ADK: variants seen among roughly 807,000 people sequenced by gnomAD.
ADK encodes adenosine kinase.
A neutral mutation model predicts 44.7 loss-of-function variants in ADK; 24 were observed. The ratio of observed to expected loss-of-function variants is 0.54; its 90% CI spans 0.39 to 0.76. ADK has a LOEUF of 0.76. ADK is among the 30% of genes least tolerant of loss of function. The pLI, the probability that ADK is intolerant of heterozygous loss-of-function variation, is 0.00. For missense variants in ADK, 321 were observed against 425.1 expected (o/e 0.76, Z 2.15); for synonymous variants, 128 against 142.6 (o/e 0.90, Z 0.73).
intron 7 of ADK, among the ~76,000 whole-genome samples, chr10:74,538,682 A>G (rs1265002284): frequency 1.3e-5 from 2 of 152,164 alleles, no homozygotes; most frequent in Admixed American, 6.5e-5. Flanking sequence ...TAAGTAAACT[A>G]TCATTATCTT....
At chr10:74,598,872 T>A (rs1852021500) in intron 8 of ADK, among the ~76,000 whole-genome samples, 1 of 152,224 alleles carries the variant, frequency 6.6e-6, no homozygotes, top group African/African-American at 2.4e-5. Flanking sequence ...TTCTCTTATC[T>A]TTATTAAATA....
rs557098930 is a variant in ADK, at chr10:74,186,538, A to T, written c.66-14226A>T. The stretch of plus-strand genomic sequence containing the variant: ...AGGGTGGTCTTGAACTCCTGAGCCC[A>T]AGTGATCCACCCACCTCGGCCTTCC... On this transcript the variant is annotated intron_variant, in intron 1 of 10. Coordinates refer to ENST00000539909, the MANE Select transcript of ADK (RefSeq NM_006721.4). 1.6e-4 allele frequency among the ~76,000 whole-genome samples: 24 copies of T among 151,846 alleles called. 1 individual carries two copies. In the East Asian group the frequency reaches 4.7e-3, roughly 30 times the overall value.
At chr10:74,541,224 A>G (rs1442390840) in intron 7 of ADK, among the ~76,000 whole-genome samples, 1 of 152,158 alleles carries the variant, frequency 6.6e-6, no homozygotes, top group Non-Finnish European at 1.5e-5. Context: ...CATGTTGGCC[A>G]TGCTGGTCTC....
chr10:74,461,690 A>C (rs2133244709), intron 6 of ADK, among the ~76,000 whole-genome samples: 2 of 152,218 alleles, frequency 1.3e-5, no homozygotes, highest in East Asian at 3.9e-4. Flanking sequence ...ATTTATCTTT[A>C]CAGGTACTAG....
chr10:74,280,990 A>G (rs1481481019), intron 3 of ADK, among the ~76,000 whole-genome samples: 1 of 152,250 alleles, frequency 6.6e-6, no homozygotes, highest in African/African-American at 2.4e-5. Context: ...ACACTGGTTT[A>G]TATACAGGTT....
intron 7 of ADK, among the ~76,000 whole-genome samples, chr10:74,568,228 TTTAA>T (rs1476730076): frequency 7.9e-5 from 12 of 152,210 alleles, no homozygotes; most frequent in African/African-American, 2.2e-4. Context: ...TTCTTTTTCT[TTTAA>T]TTGTGACCAA....
intron 9 of ADK, among the ~76,000 whole-genome samples, chr10:74,605,456 A>G (rs1190771108): frequency 6.6e-6 from 1 of 151,990 alleles, no homozygotes; most frequent in East Asian, 1.9e-4. Context: ...AGCATGACGG[A>G]GTGTTGAATT....
chr10:74,416,956 G>C (rs574569971), intron 6 of ADK, among the ~76,000 whole-genome samples: 8 of 151,834 alleles, frequency 5.3e-5, no homozygotes, highest in African/African-American at 1.9e-4. Context: ...GTTGCTTCTT[G>C]TAAGTTTACC....
intron 3 of ADK, among the ~76,000 whole-genome samples, chr10:74,258,685 A>G (rs746710774): frequency 1.4e-4 from 21 of 152,202 alleles, no homozygotes; most frequent in Non-Finnish European, 2.6e-4. Flanking sequence ...TCACATATCA[A>G]TTCTGATAAA....
chr10:74,618,685 A>G (rs1852868496), intron 9 of ADK, among the ~76,000 whole-genome samples: 1 of 152,094 alleles, frequency 6.6e-6, no homozygotes. Context: ...TTCTTTATAA[A>G]TGGCTTTCCA....
At chr10:74,657,415 G>T (rs1854528182) in intron 9 of ADK, among the ~76,000 whole-genome samples, 1 of 152,140 alleles carries the variant, frequency 6.6e-6, no homozygotes, top group Non-Finnish European at 1.5e-5. Context: ...TCAAGCAATT[G>T]TATGATTTAC....
At chr10:74,598,294 C>T (rs1851992868) in intron 8 of ADK, among the ~76,000 whole-genome samples, 2 of 150,332 alleles carry the variant, frequency 1.3e-5, no homozygotes, top group African/African-American at 4.8e-5. Context: ...ATGTTTTGTA[C>T]TTGGAAAGTT....
At chr10:74,603,477 C>T (rs753800691) in intron 9 of ADK, among the ~76,000 whole-genome samples, 1 of 152,080 alleles carries the variant, frequency 6.6e-6, no homozygotes, top group African/African-American at 2.4e-5. Flanking sequence ...TCTCATTGTT[C>T]AATTCCCACT....
chr10:74,174,152 A>C (rs1205727592), intron 1 of ADK, among the ~76,000 whole-genome samples: 1 of 150,718 alleles, frequency 6.6e-6, no homozygotes, highest in Admixed American at 6.6e-5. Flanking sequence ...AAAACACGAA[A>C]AAAAAATTAG....
At chr10:74,346,749 G>T (rs985015228) in intron 4 of ADK, among the ~76,000 whole-genome samples, 16 of 152,076 alleles carry the variant, frequency 1.1e-4, no homozygotes, top group African/African-American at 3.9e-4. Flanking sequence ...TAACAGGAAT[G>T]AATTGAAGAA....
intron 10 of ADK, among the ~76,000 whole-genome samples, chr10:74,696,459 G>A (rs1344719981): frequency 1.3e-5 from 2 of 151,098 alleles, no homozygotes; most frequent in Admixed American, 6.6e-5. Flanking sequence ...TCCACCTCCC[G>A]AGTTCATGCC....
intron 6 of ADK, among the ~76,000 whole-genome samples, chr10:74,433,097 A>G (rs767568401): frequency 1.3e-5 from 2 of 152,218 alleles, no homozygotes; most frequent in Non-Finnish European, 2.9e-5. Context: ...GCAAACCAAC[A>G]TAGAATCATC....
At chr10:74,675,632 C>T (rs574340680) in intron 10 of ADK, among the ~76,000 whole-genome samples, 1 of 152,226 alleles carries the variant, frequency 6.6e-6, no homozygotes, top group South Asian at 2.1e-4. Flanking sequence ...TCCTGTTGTC[C>T]TGCTGTGCTT....
At chr10:74,210,504 G>A (rs1169274058) in intron 2 of ADK, among the ~76,000 whole-genome samples, 3 of 151,864 alleles carry the variant, frequency 2.0e-5, no homozygotes, top group Admixed American at 1.3e-4. Flanking sequence ...TAAAATGCCC[G>A]AAGTAGCTGG....
Sources: gnomAD v4.1 joint callset for allele counts (sites outside exome capture counted in the v4.1 genomes callset) on GRCh38, gnomAD v4.1.1 for gene constraint, MANE v1.5 for transcripts, NCBI Gene and HGNC (gene_info 2026-07-23, HGNC 2026-07-21) for gene names.